The following CDH20 variants were observed in gnomAD, a reference collection of about 807,000 sequenced individuals.
The protein encoded by CDH20 is cadherin 20, also known as cadherin-20.
In CDH20, 29 loss-of-function variants were observed where a neutral mutation model predicts 74.2. That is an observed-to-expected ratio of 0.39 (90% CI 0.29 to 0.53). The LOEUF is 0.53. CDH20 is among the 20% of genes least tolerant of loss of function. The pLI is 0.69. For missense variants in CDH20, 988 were observed against 1,048.3 expected (o/e 0.94, Z 0.79); for synonymous variants, 469 against 405.4 (o/e 1.16, Z -1.88).
chr18:61,552,148 CTAAA>C (rs1913457709), intron 11 of CDH20, among the ~76,000 whole-genome samples: 3 of 148,534 alleles, frequency 2.0e-5, no homozygotes, highest in East Asian at 4.1e-4. Flanking sequence ...TTATAGACAA[CTAAA>C]TAAATTAATT....
intron 1 of CDH20, among the ~76,000 whole-genome samples, chr18:61,451,424 T>G (rs1227511984): frequency 6.6e-6 from 1 of 152,104 alleles, no homozygotes; most frequent in Non-Finnish European, 1.5e-5. Flanking sequence ...CACATCTGGA[T>G]AGTGGGAATA....
At chr18:61,507,888 T>C (rs1053795571) in intron 6 of CDH20, among the ~76,000 whole-genome samples, 1 of 152,178 alleles carries the variant, frequency 6.6e-6, no homozygotes, top group South Asian at 2.1e-4. Context: ...TTGATCAACA[T>C]TTGCACTTGA....
intron 1 of CDH20, among the ~76,000 whole-genome samples, chr18:61,412,835 A>G (rs1052953632): frequency 6.6e-6 from 1 of 152,230 alleles, no homozygotes; most frequent in African/African-American, 2.4e-5. Flanking sequence ...GGTATGACCC[A>G]TATTTGCAAC....
At chr18:61,503,595 T>C (rs1462299927) in intron 5 of CDH20, among the ~76,000 whole-genome samples, 3 of 152,332 alleles carry the variant, frequency 2.0e-5, no homozygotes, top group East Asian at 3.9e-4. Flanking sequence ...CATGTGACGA[T>C]CTTCACCAAT....
At chr18:61,450,286 C>G (rs1342103867) in intron 1 of CDH20, among the ~76,000 whole-genome samples, 1 of 151,524 alleles carries the variant, frequency 6.6e-6, no homozygotes, top group Non-Finnish European at 1.5e-5. Context: ...AGAACACAGT[C>G]TACCTCCCTC....
At chr18:61,494,729 G>A (rs918725872) in intron 2 of CDH20, among the ~76,000 whole-genome samples, 4 of 152,098 alleles carry the variant, frequency 2.6e-5, no homozygotes, top group Non-Finnish European at 5.9e-5. Context: ...GGGCTTTCCA[G>A]GGACAAGGCA....
At chr18:61,433,966 G>A (rs1908742415) in intron 1 of CDH20, among the ~76,000 whole-genome samples, 1 of 152,208 alleles carries the variant, frequency 6.6e-6, no homozygotes, top group Admixed American at 6.5e-5. Context: ...GAGTTCATGG[G>A]TGTTTGACCA....
chr18:61,554,173 C>T lies in CDH20; in HGVS notation c.1901-17C>T. The stretch of plus-strand genomic sequence containing the variant: ...ACATCTCCTCGGTAAACACACTCTC[C>T]TTTTTGTTCCTGGCAGTGCTGGTGT... On this transcript the variant is annotated splice_polypyrimidine_tract_variant and intron_variant, in intron 11 of 11. Coordinates refer to ENST00000262717, the MANE Select transcript of CDH20 (RefSeq NM_031891.4). 1.9e-6 allele frequency: 3 copies of T among 1,598,984 alleles called. No homozygotes were observed. The highest frequency in any genetic ancestry group is 2.6e-6 in the Non-Finnish European group (3 of 1,170,044).
intron 1 of CDH20, among the ~76,000 whole-genome samples, chr18:61,435,857 C>A (rs1908815112): frequency 6.6e-6 from 1 of 151,880 alleles, no homozygotes; most frequent in Non-Finnish European, 1.5e-5. Flanking sequence ...GTAACAATCA[C>A]CACAATTAAT....
At chr18:61,535,063 C>T (rs1912773404) in intron 7 of CDH20, among the ~76,000 whole-genome samples, 1 of 151,986 alleles carries the variant, frequency 6.6e-6, no homozygotes, top group Non-Finnish European at 1.5e-5. Context: ...CACCTGTAAT[C>T]CCGGCACTTT....
chr18:61,538,592 G>GT lies in CDH20; in HGVS notation c.1409-429dup, dbSNP rs1445503985. On this transcript the variant is annotated intron_variant, in intron 8 of 11. Coordinates refer to ENST00000262717, the MANE Select transcript of CDH20 (RefSeq NM_031891.4). Reference sequence around the variant, plus strand: ...GTAAATAACTACTTTTTGTTTGTTTGTTTGTTTTTGTTTTTGTTTTTGTTT... The same window carrying GT: ...GTAAATAACTACTTTTTGTTTGTTTGTTTTGTTTTTGTTTTTGTTTTTGTTT... Among the ~76,000 whole-genome samples the GT allele has an allele frequency of 3.1e-3, 163 of 52,856 alleles. 13 individuals carry two copies. The highest frequency in any genetic ancestry group is 0.012 in the Middle Eastern group (1 of 86). The allele number at this position is 52,856 out of a possible 152,430, so 34.7% of individuals were successfully genotyped here.
chr18:61,514,669 T>C (rs1257065926), intron 6 of CDH20, among the ~76,000 whole-genome samples: 1 of 149,984 alleles, frequency 6.7e-6, no homozygotes, highest in Non-Finnish European at 1.5e-5. Context: ...GATGTACAGA[T>C]GGGTTTTTGG....
intron 1 of CDH20, among the ~76,000 whole-genome samples, chr18:61,357,878 T>A (rs1910544183): frequency 6.6e-6 from 1 of 152,152 alleles, no homozygotes; most frequent in Non-Finnish European, 1.5e-5. Context: ...CCTTTTCAAG[T>A]GTAGCCTCTC....
chr18:61,420,666 G>T (rs1858290007), intron 1 of CDH20, among the ~76,000 whole-genome samples: 1 of 152,108 alleles, frequency 6.6e-6, no homozygotes, highest in African/African-American at 2.4e-5. Flanking sequence ...ACAGAATGAG[G>T]CCTCCTTTTC....
chr18:61,516,856 C>A (rs570738550), intron 6 of CDH20, among the ~76,000 whole-genome samples: 1 of 152,010 alleles, frequency 6.6e-6, no homozygotes, highest in East Asian at 1.9e-4. Flanking sequence ...TGTGTCAGTA[C>A]ATAAATAATT....
At chr18:61,384,007 C>G (rs1911518572) in intron 1 of CDH20, among the ~76,000 whole-genome samples, 1 of 152,160 alleles carries the variant, frequency 6.6e-6, no homozygotes, top group African/African-American at 2.4e-5. Flanking sequence ...GTCACAGACA[C>G]CTTTCTTCTC....
chr18:61,552,798 T>C (rs920370651), intron 11 of CDH20, among the ~76,000 whole-genome samples: 1 of 152,242 alleles, frequency 6.6e-6, no homozygotes, highest in Non-Finnish European at 1.5e-5. Flanking sequence ...TTGGGTTTAA[T>C]AACTTTACTG....
At chr18:61,537,785 A>T (rs1182850994) in intron 8 of CDH20, among the ~76,000 whole-genome samples, 1 of 152,206 alleles carries the variant, frequency 6.6e-6, no homozygotes, top group Non-Finnish European at 1.5e-5. Context: ...TTTTGCTAGC[A>T]TATTATGGTA....
chr18:61,432,350 TC>T (rs568716195), intron 1 of CDH20, among the ~76,000 whole-genome samples: 38 of 152,030 alleles, frequency 2.5e-4, no homozygotes, highest in African/African-American at 9.2e-4. Context: ...CACACATATT[TC>T]CCAGCACCCC....
Sources: allele counts gnomAD v4.1 joint callset (sites outside exome capture counted in the v4.1 genomes callset), GRCh38; gene constraint gnomAD v4.1.1; transcripts MANE v1.5; gene names NCBI Gene and HGNC (gene_info 2026-07-23, HGNC 2026-07-21).